The following HK1 variants were observed in gnomAD, a reference collection of about 807,000 sequenced individuals.
HK1 encodes the protein hexokinase-1.
HK1 carries 28 observed loss-of-function variants against 91.6 expected under a neutral mutation model. That is an observed-to-expected ratio of 0.31 (90% CI 0.23 to 0.42). HK1 has a LOEUF of 0.42. Ranked by LOEUF, HK1 falls within the 10% of genes least tolerant of loss-of-function variation. The probability of loss-of-function intolerance (pLI) is 1.00; values close to 1 mark genes in which losing one functional copy is unlikely to be tolerated. For missense variants in HK1, 770 were observed against 1,219.8 expected, an observed-to-expected ratio of 0.63 and a Z score of 5.49; for synonymous variants, 430 against 468.1, an observed-to-expected ratio of 0.92 and a Z score of 1.05.
chr10:69,335,976 C>A (rs1257808800), intron 1 of HK1, among the ~76,000 whole-genome samples: 2 of 152,140 alleles, frequency 1.3e-5, no homozygotes, highest in African/African-American at 4.8e-5. Flanking sequence ...GATATAATTC[C>A]ATTTTTGTAA....
intron 1 of HK1, among the ~76,000 whole-genome samples, chr10:69,280,317 C>T (rs188555219): frequency 3.3e-5 from 5 of 152,232 alleles, no homozygotes; most frequent in Non-Finnish European, 7.4e-5. Flanking sequence ...CAGGGTTTCA[C>T]TGTGTTAGCC....
intron 2 of HK1, 122 bp from the exon 3 acceptor site, chr10:69,359,775 C>A: frequency 1.1e-6 from 1 of 929,980 alleles, no homozygotes; most frequent in Non-Finnish European, 1.8e-6. Flanking sequence ...TGCTTTCTGG[C>A]TGATAACAGC....
chr10:69,336,184 A>G (rs1847970333), intron 1 of HK1, among the ~76,000 whole-genome samples: 1 of 151,996 alleles, frequency 6.6e-6, no homozygotes, highest in Non-Finnish European at 1.5e-5. Flanking sequence ...TATTACTGTT[A>G]TTGCTTCTTT....
intron 7 of HK1, among the ~76,000 whole-genome samples, chr10:69,376,658 G>A (rs1213651575): frequency 6.6e-6 from 1 of 152,192 alleles, no homozygotes; most frequent in African/African-American, 2.4e-5. Context: ...CGCTCCCCCT[G>A]CCTTCAGGCA....
chr10:69,318,241 C>G (rs1228356633), upstream of HK1: 1 of 985,026 alleles, frequency 1.0e-6, no homozygotes, highest in Non-Finnish European at 1.2e-6. Context: ...CCCAGGTAGG[C>G]CGGTGCGTTC....
At chr10:69,368,391 C>T (rs1342112696) in intron 4 of HK1, 145 bp from the exon 5 acceptor site, 7 of 708,648 alleles carry the variant, frequency 9.9e-6, no homozygotes, top group African/African-American at 1.8e-5. Context: ...GAGTCTGGGC[C>T]CCTCCCCAAG....
intron 2 of HK1, among the ~76,000 whole-genome samples, chr10:69,347,408 C>T (rs187311147): frequency 6.1e-4 from 93 of 151,318 alleles, no homozygotes; most frequent in African/African-American, 2.2e-3. Context: ...TAACCAGTAC[C>T]GGTTCTCTTT....
chr10:69,274,044 T>C (rs1402239439), intron 1 of HK1, among the ~76,000 whole-genome samples: 1 of 152,142 alleles, frequency 6.6e-6, no homozygotes, highest in Non-Finnish European at 1.5e-5. Flanking sequence ...GATGTAGATA[T>C]TATTTTTCAC....
chr10:69,369,169 G>A lies in HK1; in HGVS notation c.592-68G>A, dbSNP rs370060595. ...GAAAACGGGAGCACTTCTGCCAAGC[G>A]CTGTTAAGGTGTGTGATCTCTGCTC... On this transcript the variant is annotated intron_variant, in intron 5 of 17. Coordinates refer to ENST00000359426, the MANE Select transcript of HK1 (RefSeq NM_000188.3). This position sits in a 1 kb window ranked among gnomAD's most constrained non-coding sequence, Gnocchi z 4.4. 7.8e-5 allele frequency: 92 copies of A among 1,182,734 alleles called. No individual in the cohort carries two copies. In the African/African-American group the frequency reaches 9.4e-4, roughly 12 times the overall value. 73.3% of individuals were successfully genotyped at this position (1,182,734 alleles called of 1,614,324 possible).
Position 69,289,475 on chromosome 10 carries a change from T to C in HK1, c.-115+705T>C, listed in dbSNP as rs1388917454. Among the ~76,000 whole-genome samples, 14 of 28,266 alleles carry C rather than the reference T, an allele frequency of 5.0e-4. 1 individual carries two copies. In the Admixed American group the frequency reaches 8.0e-3, roughly 16 times the overall value. 18.5% of individuals were successfully genotyped at this position (28,266 alleles called of 152,430 possible). On this transcript the variant is annotated intron_variant, in intron 3 of 21. Coordinates refer to the HK1 transcript ENST00000360289. ...TAAAAAAAAAAATTTTTTTTTTTTT[T>C]TTTTTTTTTTTTTTGAGATAGAGTC...
chr10:69,347,345 C>A (rs1440310371), intron 2 of HK1, among the ~76,000 whole-genome samples: 2 of 151,488 alleles, frequency 1.3e-5, no homozygotes, highest in African/African-American at 2.4e-5. Flanking sequence ...AGGCAGGAGA[C>A]AGGGAACAGT....
At chr10:69,275,757 TG>T (rs1437718932) in intron 1 of HK1, among the ~76,000 whole-genome samples, 1 of 152,148 alleles carries the variant, frequency 6.6e-6, no homozygotes, top group Non-Finnish European at 1.5e-5. Flanking sequence ...TAAATATGTT[TG>T]CTTTGAAATT....
intron 1 of HK1, chr10:69,282,520 T>C (rs2132432349): frequency 6.6e-6 from 1 of 152,332 alleles, no homozygotes; most frequent in African/African-American, 2.4e-5. Context: ...TTGTCTCTTC[T>C]GTTTTCAGGA....
At chr10:69,318,611 G>A (rs1383080391), upstream of HK1, among the ~76,000 whole-genome samples, 1 of 152,176 alleles carries the variant, frequency 6.6e-6, no homozygotes, top group Non-Finnish European at 1.5e-5. Flanking sequence ...GGTCGGGGGG[G>A]ATTTCGCTGC....
At position 69,275,243 on chromosome 10, in the gene HK1, G is replaced by A. The variant is rs116365772; in HGVS notation, c.-391+5135G>A. 4.8e-3 allele frequency among the ~76,000 whole-genome samples: 713 copies of A among 150,048 alleles called. 6 individuals carry two copies. Among genetic ancestry groups the A allele is most frequent in the African/African-American group, 0.017 (684 of 40,918 alleles). On this transcript the variant is annotated intron_variant, in intron 1 of 21. Coordinates refer to the HK1 transcript ENST00000360289. ...AAAAAACAAAAAACCTTTTAAGGCC[G>A]GGCACGGTGGCTCACGCCTGTAATC... is the stretch of plus-strand genomic sequence containing the variant.
chr10:69,374,845 G>C (rs1839005852), intron 7 of HK1, among the ~76,000 whole-genome samples: 1 of 152,224 alleles, frequency 6.6e-6, no homozygotes, highest in South Asian at 2.1e-4. Context: ...CATCCTATGG[G>C]GAATGCCCTT....
At position 69,382,227 on chromosome 10, in the gene HK1, A is replaced by G. The variant is rs1839420585; in HGVS notation, c.1266-260A>G. ...AACATGGCGAAACCCTGTCTCTACT[A>G]AAAATACAAAAAAGTTAGCCGGGCG... On this transcript the variant is annotated intron_variant, in intron 9 of 17. Transcript: ENST00000359426. Among the ~76,000 whole-genome samples the G allele has an allele frequency of 3.9e-5, 6 of 152,236 alleles. No individual in the cohort carries two copies. In the South Asian group the frequency reaches 6.2e-4, roughly 16 times the overall value.
chr10:69,306,241 C>A (rs1300530650), intron 5 of HK1, among the ~76,000 whole-genome samples: 5 of 151,906 alleles, frequency 3.3e-5, no homozygotes, highest in African/African-American at 1.2e-4. Context: ...ACCTGTAGTC[C>A]CAGCTACTCA....
At chr10:69,281,564 G>A (rs772363095) in intron 1 of HK1, among the ~76,000 whole-genome samples, 8 of 151,884 alleles carry the variant, frequency 5.3e-5, no homozygotes, top group Non-Finnish European at 8.8e-5. Flanking sequence ...ATGAACCCCA[G>A]GATTAGATGT....
Sources: gnomAD v4.1 joint callset for allele counts (sites outside exome capture counted in the v4.1 genomes callset) on GRCh38, gnomAD v4.1.1 for gene constraint, Gnocchi (gnomAD v3.1) non-coding constraint, MANE v1.5 for transcripts, NCBI Gene and HGNC (gene_info 2026-07-23, HGNC 2026-07-21) for gene names.